BMP6: variants seen among roughly 807,000 people sequenced by gnomAD.
The protein encoded by BMP6 is bone morphogenetic protein 6.
Under a neutral mutation model 54.1 loss-of-function variants are expected in BMP6, and 17 were observed. That is an observed-to-expected ratio of 0.31 (90% CI 0.22 to 0.47). The LOEUF (loss-of-function observed/expected upper bound fraction) is 0.47, where lower values mean the gene tolerates loss of function less well. Among genes scored for constraint, BMP6 ranks in the 20% least tolerant of loss-of-function variants. The pLI, the probability that BMP6 is intolerant of heterozygous loss-of-function variation, is 1.00. For missense variants in BMP6, 720 were observed against 690.4 expected (o/e 1.04, Z -0.48); for synonymous variants, 328 against 291.2 (o/e 1.13, Z -1.28).
rs138894958 is a variant in BMP6 at position 7,779,193 on chromosome 6, A to T, written c.664+51574A>T. Among the ~76,000 whole-genome samples, 582 of 152,340 alleles carry T rather than the reference A, an allele frequency of 3.8e-3. 6 individuals carry two copies. Among genetic ancestry groups the T allele is most frequent in the East Asian group, 0.023 (120 of 5,182 alleles). On this transcript the variant is annotated intron_variant, in intron 1 of 6. Transcript: ENST00000283147. ...AGCAAATATTTGTGGTGGGTGCCCA[A>T]GAAATCCAGTACGTTATTGAAGTGT...
chr6:7,767,326 A>T (rs755716139), intron 1 of BMP6, among the ~76,000 whole-genome samples: 16 of 152,314 alleles, frequency 1.1e-4, no homozygotes, highest in South Asian at 1.0e-3. Flanking sequence ...TTTATAAAAG[A>T]TAGCAACAAT....
intron 1 of BMP6, among the ~76,000 whole-genome samples, chr6:7,756,267 A>G (rs960946374): frequency 6.6e-6 from 1 of 152,030 alleles, no homozygotes; most frequent in Non-Finnish European, 1.5e-5. Context: ...AAGTTCACTA[A>G]TATTTTCTTT....
intron 2 of BMP6, among the ~76,000 whole-genome samples, chr6:7,857,323 A>C (rs1759257411): frequency 6.6e-6 from 1 of 152,378 alleles, no homozygotes; most frequent in African/African-American, 2.4e-5. Context: ...AATGTGAGGA[A>C]TATCACGCTC....
intron 4 of BMP6, among the ~76,000 whole-genome samples, chr6:7,872,814 C>CTTTTTTTTTTTT (rs55666956): frequency 7.5e-6 from 1 of 133,838 alleles, no homozygotes; most frequent in African/African-American, 2.8e-5. Context: ...CTTTTTTTTT[C>CTTTTTTTTTTTT]TTTTTTTTTT....
In BMP6 at chr6:7,881,422, A is replaced by G. The variant is rs185470151; in HGVS notation, c.*1079A>G. 3.9e-5 allele frequency: 6 copies of G among 152,730 alleles called. No homozygotes were observed. The highest frequency in any genetic ancestry group is 6.5e-5 in the Admixed American group (1 of 15,308). 9.5% of individuals were successfully genotyped at this position (152,730 alleles called of 1,614,324 possible). ...TTAAATAATACATTTATAATCTACA[A>G]CTGTTTGCACTTACAGCTTTTTTTG... On this transcript the variant is annotated 3_prime_UTR_variant, in exon 7 of 7. Transcript: ENST00000283147.
At chr6:7,791,697 G>A (rs868559849) in intron 1 of BMP6, among the ~76,000 whole-genome samples, 23 of 152,056 alleles carry the variant, frequency 1.5e-4, no homozygotes, top group African/African-American at 5.3e-4. Flanking sequence ...TGACCCCCAT[G>A]CCTGCCACTC....
At chr6:7,803,634 A>G (rs1282868229) in intron 1 of BMP6, among the ~76,000 whole-genome samples, 1 of 151,654 alleles carries the variant, frequency 6.6e-6, no homozygotes, top group Non-Finnish European at 1.5e-5. Flanking sequence ...CATCCCCTTC[A>G]CCATGCCTCT....
intron 1 of BMP6, among the ~76,000 whole-genome samples, chr6:7,758,145 T>C (rs1757555101): frequency 6.6e-6 from 1 of 152,196 alleles, no homozygotes; most frequent in African/African-American, 2.4e-5. Flanking sequence ...CAATCAAACA[T>C]AACATTTTCC....
At chr6:7,783,587 G>C (rs1757978759) in intron 1 of BMP6, among the ~76,000 whole-genome samples, 1 of 152,206 alleles carries the variant, frequency 6.6e-6, no homozygotes, top group African/African-American at 2.4e-5. Flanking sequence ...TCACGCCAAG[G>C]GCGCAATAAC....
At chr6:7,728,417 C>G (rs2113098065) in intron 1 of BMP6, among the ~76,000 whole-genome samples, 1 of 152,294 alleles carries the variant, frequency 6.6e-6, no homozygotes, top group African/African-American at 2.4e-5. Flanking sequence ...AACCGGTTGC[C>G]AGGCAACAGA....
chr6:7,867,083 G>A (rs1015386333), intron 4 of BMP6, among the ~76,000 whole-genome samples: 1 of 152,086 alleles, frequency 6.6e-6, no homozygotes, highest in African/African-American at 2.4e-5. Context: ...TGTTGGTCAG[G>A]CTGGTCTCAA....
intron 1 of BMP6, among the ~76,000 whole-genome samples, chr6:7,759,432 AG>A (rs1449229270): frequency 6.6e-6 from 1 of 152,166 alleles, no homozygotes; most frequent in Non-Finnish European, 1.5e-5. Flanking sequence ...GCTGAAATCC[AG>A]AACACTTTGG....
intron 2 of BMP6, 108 bp from the exon 3 acceptor site, chr6:7,861,343 A>T: frequency 7.2e-7 from 1 of 1,389,314 alleles, no homozygotes; most frequent in Non-Finnish European, 9.9e-7. Flanking sequence ...CCTCACAGGT[A>T]GATGTGATCT....
chr6:7,800,333 C>A (rs1341281057), intron 1 of BMP6, among the ~76,000 whole-genome samples: 1 of 152,080 alleles, frequency 6.6e-6, no homozygotes, highest in Non-Finnish European at 1.5e-5. Context: ...CTTTTAAATA[C>A]AGACTTTAAA....
chr6:7,745,966 C>G (rs1367508530), intron 1 of BMP6, among the ~76,000 whole-genome samples: 2 of 145,870 alleles, frequency 1.4e-5, no homozygotes, highest in Non-Finnish European at 3.1e-5. Flanking sequence ...AAAACTGTCT[C>G]AAGAAAAAAA....
At chr6:7,863,150 C>T (rs1324753765) in intron 4 of BMP6, among the ~76,000 whole-genome samples, 1 of 152,116 alleles carries the variant, frequency 6.6e-6, no homozygotes, top group East Asian at 1.9e-4. Flanking sequence ...AAGTGCCTGC[C>T]ACCACGCCTG....
intron 1 of BMP6, among the ~76,000 whole-genome samples, chr6:7,742,423 A>G (rs150005141): frequency 2.6e-5 from 4 of 152,306 alleles, no homozygotes; most frequent in South Asian, 4.1e-4. Context: ...GTCAGCTTCC[A>G]CTTCAGGCTG....
rs763587292 is a variant in BMP6, at chr6:7,861,549, T to C, written c.956T>C (p.Val319Ala). 3.7e-6 allele frequency: 6 copies of C among 1,614,212 alleles called. No individual in the cohort carries two copies. Among genetic ancestry groups the C allele is most frequent in the Non-Finnish European group, 5.1e-6 (6 of 1,180,036 alleles). The change falls in exon 3 of 7, where the codon GTG becomes GCG. Residue 319 changes from valine (V) to alanine (A), a missense_variant. Physicochemically the swap from Val to Ala is moderately conservative, Grantham distance 64 (BLOSUM62 0). This residue lies in a region of BMP6 where 650 missense variants were observed against 556.3 expected (regional missense o/e 1.17). Transcript: ENST00000283147. ...DITATSNLWV[V>A]TPQHNMGLQL... ...ACGGCCACTAGCAATCTGTGGGTTG[T>C]GACTCCACAGCATAACATGGGGCTT... is the stretch of plus-strand genomic sequence containing the variant.
At chr6:7,748,682 T>A (rs34926212) in intron 1 of BMP6, among the ~76,000 whole-genome samples, 1 of 152,076 alleles carries the variant, frequency 6.6e-6, no homozygotes. Flanking sequence ...GGGGCGGAGA[T>A]GTTTCCCATT....
Sources: gnomAD v4.1 joint callset for allele counts (sites outside exome capture counted in the v4.1 genomes callset) on GRCh38, gnomAD v4.1.1 for gene constraint, gnomAD v4.1.1 regional missense constraint, MANE v1.5 for transcripts, NCBI Gene and HGNC (gene_info 2026-07-23, HGNC 2026-07-21) for gene names.